TNNI1: variants seen among roughly 807,000 people sequenced by gnomAD.
TNNI1 encodes the protein troponin I1, slow skeletal type, also known as troponin I, slow skeletal muscle.
A neutral mutation model predicts 26.7 loss-of-function variants in TNNI1; 14 were observed. The observed-to-expected ratio is 0.52, with a 90% CI of 0.35 to 0.82. The LOEUF (loss-of-function observed/expected upper bound fraction) is 0.82. Ranked by LOEUF, TNNI1 falls within the 40% of genes least tolerant of loss-of-function variation. The probability of loss-of-function intolerance (pLI) is 0.01; values close to 1 mark genes in which losing one functional copy is unlikely to be tolerated. For synonymous variants in TNNI1, 79 were observed against 98.2 expected, an observed-to-expected ratio of 0.80 and a Z score of 1.16; for missense variants, 164 against 257.0, an observed-to-expected ratio of 0.64 and a Z score of 2.47.
chr1:201,419,117 C>T (rs1361032769), intron 1 of TNNI1, among the ~76,000 whole-genome samples: 1 of 152,094 alleles, frequency 6.6e-6, no homozygotes, highest in Non-Finnish European at 1.5e-5. Context: ...ACATGTACCC[C>T]GAACTTAAAA....
intron 7 of TNNI1, 91 bp from the exon 8 acceptor site, chr1:201,410,526 C>A: frequency 8.8e-7 from 1 of 1,131,396 alleles, no homozygotes; most frequent in South Asian, 1.3e-5. Flanking sequence ...CCAGTCTCCT[C>A]GGATGATAAG....
intron 1 of TNNI1, among the ~76,000 whole-genome samples, chr1:201,419,973 C>A (rs979748519): frequency 2.6e-5 from 4 of 152,226 alleles, no homozygotes; most frequent in African/African-American, 9.6e-5. Flanking sequence ...AAAGGAAACA[C>A]CAGCTGGCGA....
At position 201,411,588 on chromosome 1, in the gene TNNI1, C is replaced by A. The variant is rs932262405; in HGVS notation, c.280-55G>T. 1.4e-6 allele frequency: 2 copies of A among 1,475,978 alleles called. No individual in the cohort carries two copies. The highest frequency in any genetic ancestry group is 2.8e-5 in the South Asian group (2 of 71,452). The allele number at this position is 1,475,978 out of a possible 1,614,324, so 91.4% of individuals were successfully genotyped here. Reference sequence around the variant, plus strand: ...GGAGAGGCAGCTAGCCACAGGACACCCTTCCTGAGGACCTCAGACTGCTAG... The same window carrying A: ...GGAGAGGCAGCTAGCCACAGGACACACTTCCTGAGGACCTCAGACTGCTAG... On this transcript the variant is annotated intron_variant, in intron 6 of 8. Transcript: ENST00000361379. The surrounding 1 kb of genome is among the most constrained non-coding windows in gnomAD (Gnocchi z 4.6).
Position 201,414,600 on chromosome 1 carries a change from T to A in TNNI1, c.107A>T (p.Glu36Val). Residue 36 changes from glutamate to valine, a missense_variant, in exon 5 of 9, where the codon GAG (glutamate) becomes GTG (valine). Physicochemically the swap from Glu to Val is moderately radical, Grantham distance 121. This residue lies in a region of TNNI1 where 117 missense variants were observed against 158.7 expected (regional missense o/e 0.74). Coordinates refer to ENST00000361379, the MANE Select transcript of TNNI1 (RefSeq NM_003281.4). Reference sequence around the variant, plus strand: ...GTAGCGCACCTTCTCAGCCTCGCGCTCCTCGTGCTCCTGCTCCCAGCATTC... The same window carrying A: ...GTAGCGCACCTTCTCAGCCTCGCGCACCTCGTGCTCCTGCTCCCAGCATTC... Reference protein sequence around the residue: ...AKECWEQEHEEREAEKVRYLA... With the variant: ...AKECWEQEHEVREAEKVRYLA... 6.2e-7 allele frequency: 1 copy of A among 1,613,926 alleles called. No individual in the cohort carries two copies. The highest frequency in any genetic ancestry group is 8.5e-7 in the Non-Finnish European group (1 of 1,179,990).
chr1:201,412,320 C>T (rs1185563331), intron 6 of TNNI1, among the ~76,000 whole-genome samples: 1 of 152,142 alleles, frequency 6.6e-6, no homozygotes, highest in African/African-American at 2.4e-5. Context: ...GAGGAATTCC[C>T]AGGGTGTGAT....
intron 3 of TNNI1, 37 bp downstream of exon 3, chr1:201,417,079 A>G: frequency 6.2e-7 from 1 of 1,613,806 alleles, no homozygotes; most frequent in Non-Finnish European, 8.5e-7. Flanking sequence ...CAGTCGTTAG[A>G]GTTAACCAAG....
chr1:201,414,079 A>AGTAACATTTTGATATACTTC (rs1662689089), intron 5 of TNNI1, among the ~76,000 whole-genome samples: 2 of 152,262 alleles, frequency 1.3e-5, no homozygotes, highest in Admixed American at 1.3e-4. Context: ...AGGGATACTT[A>AGTAACATTTTGATATACTTC]GTAACATTTT....
intron 8 of TNNI1, chr1:201,409,918 C>T (rs1376905601): frequency 1.2e-5 from 2 of 161,150 alleles, no homozygotes; most frequent in Non-Finnish European, 2.7e-5. Context: ...GACCCTCTAA[C>T]CTAGTGGTTC....
chr1:201,417,571 C>T (rs897115328), intron 2 of TNNI1, among the ~76,000 whole-genome samples: 16 of 152,182 alleles, frequency 1.1e-4, no homozygotes, highest in Non-Finnish European at 4.4e-5. Context: ...CAAAAAGGCA[C>T]TCCCAGGGCA....
At chr1:201,417,078 G>C in intron 3 of TNNI1, 38 bp downstream of exon 3, 1 of 1,613,844 alleles carries the variant, frequency 6.2e-7, no homozygotes, top group Non-Finnish European at 8.5e-7. Flanking sequence ...CCAGTCGTTA[G>C]AGTTAACCAA....
intron 5 of TNNI1, 32 bp from the exon 6 acceptor site, chr1:201,413,153 A>T: frequency 1.2e-6 from 2 of 1,611,762 alleles, no homozygotes; most frequent in Non-Finnish European, 1.7e-6. Context: ...TGCAGGTGTG[A>T]AGAAGAGGGG....
rs745403328 is a variant in TNNI1 at position 201,414,627 on chromosome 1, T to C, written c.80A>G (p.Lys27Arg). ...CTCGTGCTCCTGCTCCCAGCATTCC[T>C]TGGCCTTGGCCAGCATCAGGCTCTG... ...LLKSLMLAKA[K>R]ECWEQEHEER... The change falls in exon 5 of 9, where the codon AAG becomes AGG. Residue 27 changes from lysine to arginine, a missense_variant. Lys to Arg is a conservative substitution (Grantham distance 26). This residue lies in a region of TNNI1 where 117 missense variants were observed against 158.7 expected (regional missense o/e 0.74). Transcript: ENST00000361379. The C allele has an allele frequency of 1.9e-6, 3 of 1,613,866 alleles. No homozygotes were observed. Among genetic ancestry groups the C allele is most frequent in the Admixed American group, 1.7e-5 (1 of 60,000 alleles).
intron 3 of TNNI1, 28 bp downstream of exon 3, chr1:201,417,088 A>G (rs1339839178): frequency 1.2e-6 from 2 of 1,614,020 alleles, no homozygotes; most frequent in African/African-American, 1.3e-5. Flanking sequence ...GAGTTAACCA[A>G]GACAGAGATA....
intron 5 of TNNI1, among the ~76,000 whole-genome samples, chr1:201,413,878 G>A (rs1018258814): frequency 6.6e-6 from 1 of 152,026 alleles, no homozygotes; most frequent in Non-Finnish European, 1.5e-5. Context: ...GGCTGGTCTC[G>A]AACTCCTGGG....
chr1:201,415,752 G>A (rs1229880001), intron 3 of TNNI1, among the ~76,000 whole-genome samples: 2 of 152,122 alleles, frequency 1.3e-5, no homozygotes, highest in African/African-American at 2.4e-5. Context: ...TAAATGAAAC[G>A]TATCTATGTA....
intron 3 of TNNI1, among the ~76,000 whole-genome samples, chr1:201,415,583 C>T (rs1163536707): frequency 6.6e-6 from 1 of 152,082 alleles, no homozygotes; most frequent in Non-Finnish European, 1.5e-5. Flanking sequence ...GGACCCCCCC[C>T]CTTACTTAGT....
In TNNI1 at chr1:201,404,491, C is replaced by T. The variant is rs1264620351; in HGVS notation, c.*4762G>A. 2 of 152,208 alleles carry T rather than the reference C, an allele frequency of 1.3e-5. No individual in the cohort carries two copies. Among genetic ancestry groups the T allele is most frequent in the South Asian group, 2.1e-4 (1 of 4,828 alleles). The allele number at this position is 152,208 out of a possible 1,614,324, so 9.4% of individuals were successfully genotyped here. ...CTAATAATATTGTGTAATATAAATA[C>T]TGACATTGTGCTGCCACCATTTTAT... is the stretch of plus-strand genomic sequence containing the variant. On this transcript the variant is annotated 3_prime_UTR_variant, in exon 9 of 9. Coordinates refer to ENST00000361379, the MANE Select transcript of TNNI1 (RefSeq NM_003281.4).
In TNNI1 at chr1:201,411,335, G is replaced by A. The variant is rs775645815; in HGVS notation, c.456+22C>T. On this transcript the variant is annotated intron_variant, in intron 7 of 8. Coordinates refer to ENST00000361379, the MANE Select transcript of TNNI1 (RefSeq NM_003281.4). The surrounding 1 kb of genome is among the most constrained non-coding windows in gnomAD (Gnocchi z 4.6). ...AAGCTGGTAGGGCAGAGGGTGGAAT[G>A]TTCTGAGGAAAGGGACCTCACCTTC... 3 of 1,612,650 alleles carry A rather than the reference G, an allele frequency of 1.9e-6. No homozygotes were observed. The highest frequency in any genetic ancestry group is 2.7e-5 in the African/African-American group (2 of 74,860).
intron 8 of TNNI1, among the ~76,000 whole-genome samples, chr1:201,409,691 G>A (rs549640512): frequency 4.6e-5 from 7 of 152,304 alleles, no homozygotes; most frequent in South Asian, 4.1e-4. Flanking sequence ...CAGCACTTCC[G>A]TAGAGGGTTT....
Sources: gnomAD v4.1 joint callset for allele counts (sites outside exome capture counted in the v4.1 genomes callset) on GRCh38, gnomAD v4.1.1 for gene constraint, gnomAD v4.1.1 regional missense constraint, Gnocchi (gnomAD v3.1) non-coding constraint, MANE v1.5 for transcripts, NCBI Gene and HGNC (gene_info 2026-07-23, HGNC 2026-07-21) for gene names.